Variants in CNTNAP2 observed in about 807,000 individuals in gnomAD.
CNTNAP2 encodes the protein contactin associated protein 2.
In CNTNAP2, 98 loss-of-function variants were observed where a neutral mutation model predicts 155.2. The observed-to-expected ratio is 0.63, with a 90% CI of 0.54 to 0.75. The LOEUF (loss-of-function observed/expected upper bound fraction) is 0.75. Ranked by LOEUF, CNTNAP2 falls within the 30% of genes least tolerant of loss-of-function variation. The pLI, the probability that CNTNAP2 is intolerant of heterozygous loss-of-function variation, is 0.00. For synonymous variants in CNTNAP2, 651 were observed against 631.2 expected (o/e 1.03, Z -0.47); for missense variants, 1,727 against 1,688.1 (o/e 1.02, Z -0.40).
rs147405736 is a variant in CNTNAP2, at chr7:146,703,380, A to G, written c.98-70891A>G. Among the ~76,000 whole-genome samples the G allele has an allele frequency of 8.1e-3, 1,231 of 152,284 alleles. 20 individuals are homozygous for G. Among genetic ancestry groups the G allele is most frequent in the African/African-American group, 0.028 (1,172 of 41,580 alleles). ...ATGCAGAAATCAAACTGTGGAAAAT[A>G]TTTTTAGAGATAAATAACTCTGTCA... On this transcript the variant is annotated intron_variant, in intron 1 of 23. Coordinates refer to ENST00000361727, the MANE Select transcript of CNTNAP2 (RefSeq NM_014141.6).
At chr7:147,931,168 A>G (rs891735589) in intron 14 of CNTNAP2, among the ~76,000 whole-genome samples, 2 of 151,946 alleles carry the variant, frequency 1.3e-5, no homozygotes, top group Non-Finnish European at 2.9e-5. Context: ...AGTTAGCAGA[A>G]GGAAGAAATA....
At chr7:147,044,155 A>G (rs1021680995) in intron 4 of CNTNAP2, 101 bp downstream of exon 4, 2 of 1,288,050 alleles carry the variant, frequency 1.6e-6, no homozygotes, top group African/African-American at 3.0e-5. Flanking sequence ...TTCTCTGACA[A>G]TAAACTACCT....
intron 1 of CNTNAP2, among the ~76,000 whole-genome samples, chr7:146,138,933 G>A (rs1422826115): frequency 6.6e-6 from 1 of 151,982 alleles, no homozygotes. Flanking sequence ...TTTGCAATTG[G>A]GTCCCTATAA....
At chr7:147,608,102 C>A (rs1257347179) in intron 12 of CNTNAP2, among the ~76,000 whole-genome samples, 1 of 151,598 alleles carries the variant, frequency 6.6e-6, no homozygotes, top group Non-Finnish European at 1.5e-5. Context: ...TGGAATAAAG[C>A]ACATTGTTCA....
At chr7:146,401,629 A>G (rs946105510) in intron 1 of CNTNAP2, among the ~76,000 whole-genome samples, 1 of 152,200 alleles carries the variant, frequency 6.6e-6, no homozygotes, top group Non-Finnish European at 1.5e-5. Context: ...TTTCTGATTA[A>G]TAGGCTCTGA....
chr7:147,952,764 T>C (rs370279689), intron 14 of CNTNAP2, among the ~76,000 whole-genome samples: 13 of 152,258 alleles, frequency 8.5e-5, no homozygotes, highest in East Asian at 1.9e-4. Flanking sequence ...ATAATACTTA[T>C]TTACACTTTG....
At chr7:147,990,495 G>T (rs925069988) in intron 15 of CNTNAP2, among the ~76,000 whole-genome samples, 1 of 151,506 alleles carries the variant, frequency 6.6e-6, no homozygotes, top group African/African-American at 2.4e-5. Flanking sequence ...TTGGAGGGGG[G>T]TTATCTTGGG....
At chr7:146,604,917 A>C (rs1461903824) in intron 1 of CNTNAP2, among the ~76,000 whole-genome samples, 1 of 110,368 alleles carries the variant, frequency 9.1e-6, no homozygotes, top group Non-Finnish European at 1.8e-5. Flanking sequence ...CACTCTGGGG[A>C]CTGTTGTGGG....
intron 2 of CNTNAP2, among the ~76,000 whole-genome samples, chr7:146,814,735 C>T (rs145176755): frequency 6.6e-6 from 1 of 152,058 alleles, no homozygotes; most frequent in Non-Finnish European, 1.5e-5. Context: ...TAGCCATACT[C>T]ATTAACTTTG....
chr7:148,298,617 C>T (rs911305343), intron 21 of CNTNAP2, among the ~76,000 whole-genome samples: 1 of 152,106 alleles, frequency 6.6e-6, no homozygotes, highest in Non-Finnish European at 1.5e-5. Context: ...TACTTTACAT[C>T]CAACCAAGTT....
intron 1 of CNTNAP2, among the ~76,000 whole-genome samples, chr7:146,160,227 A>T (rs995939705): frequency 2.0e-5 from 3 of 152,206 alleles, no homozygotes; most frequent in Non-Finnish European, 4.4e-5. Flanking sequence ...CTAAGTGCCC[A>T]CAAGAGAAAG....
chr7:147,396,088 A>G (rs1421806952), intron 10 of CNTNAP2, among the ~76,000 whole-genome samples: 6 of 147,964 alleles, frequency 4.1e-5, no homozygotes, highest in Non-Finnish European at 7.4e-5. Flanking sequence ...ATATATATGT[A>G]GCATATATAT....
chr7:147,177,237 A>C (rs964353953), intron 8 of CNTNAP2, among the ~76,000 whole-genome samples: 1 of 151,888 alleles, frequency 6.6e-6, no homozygotes, highest in East Asian at 1.9e-4. Context: ...CCCAAATCTC[A>C]CCTTGAATTG....
chr7:146,460,782 A>G (rs1365262993), intron 1 of CNTNAP2, among the ~76,000 whole-genome samples: 2 of 152,176 alleles, frequency 1.3e-5, no homozygotes, highest in African/African-American at 4.8e-5. Flanking sequence ...AACTTACAGA[A>G]GTAAAATGTA....
intron 16 of CNTNAP2, among the ~76,000 whole-genome samples, chr7:148,133,297 A>G (rs1804871834): frequency 6.6e-6 from 1 of 152,028 alleles, no homozygotes; most frequent in South Asian, 2.1e-4. Context: ...CCCTGCCTCT[A>G]CTAAAAATAC....
chr7:147,044,439 G>A (rs563714977), intron 4 of CNTNAP2, among the ~76,000 whole-genome samples: 1 of 152,140 alleles, frequency 6.6e-6, no homozygotes, highest in Admixed American at 6.6e-5. Context: ...TTTATTATGG[G>A]TTTTGAAAAC....
At chr7:147,165,430 A>AT (rs943973260) in intron 8 of CNTNAP2, among the ~76,000 whole-genome samples, 2 of 151,592 alleles carry the variant, frequency 1.3e-5, no homozygotes, top group African/African-American at 4.8e-5. Flanking sequence ...GATTGTGAAG[A>AT]TTTTCTCCCA....
intron 22 of CNTNAP2, among the ~76,000 whole-genome samples, chr7:148,387,754 C>T (rs1377841328): frequency 6.7e-6 from 1 of 150,022 alleles, no homozygotes; most frequent in Non-Finnish European, 1.5e-5. Flanking sequence ...CCCAAAACTA[C>T]CTGGGGAGCT....
intron 8 of CNTNAP2, among the ~76,000 whole-genome samples, chr7:147,136,782 A>G (rs1364112294): frequency 6.6e-6 from 1 of 152,004 alleles, no homozygotes; most frequent in Admixed American, 6.6e-5. Flanking sequence ...TTTTCATCAT[A>G]TGAGAAAAAA....
Sources: allele counts gnomAD v4.1 joint callset (sites outside exome capture counted in the v4.1 genomes callset), GRCh38; gene constraint gnomAD v4.1.1; transcripts MANE v1.5; gene names NCBI Gene and HGNC (gene_info 2026-07-23, HGNC 2026-07-21).